The following LRRTM4 variants were observed in gnomAD, a reference collection of about 807,000 sequenced individuals.
LRRTM4 encodes leucine rich repeat transmembrane neuronal 4, also known as leucine-rich repeat transmembrane neuronal protein 4.
LRRTM4 carries 25 observed loss-of-function variants against 47.6 expected under a neutral mutation model. The observed-to-expected ratio is 0.53, with a 90% confidence interval of 0.38 to 0.73. LRRTM4 has a LOEUF of 0.73. LRRTM4 is among the 30% of genes least tolerant of loss of function. The pLI, the probability that LRRTM4 is intolerant of heterozygous loss-of-function variation, is 0.00. For missense variants in LRRTM4, 638 were observed against 713.4 expected (o/e 0.89, Z 1.20); for synonymous variants, 311 against 269.5 (o/e 1.15, Z -1.51).
intron 3 of LRRTM4, among the ~76,000 whole-genome samples, chr2:76,905,799 A>C (rs1295269382): frequency 6.6e-6 from 1 of 152,134 alleles, no homozygotes; most frequent in Non-Finnish European, 1.5e-5. Flanking sequence ...TTAGAGAAAA[A>C]AGAAAAAAAA....
chr2:76,899,296 A>G (rs945602649), intron 3 of LRRTM4, among the ~76,000 whole-genome samples: 5 of 149,424 alleles, frequency 3.3e-5, no homozygotes, highest in Admixed American at 6.8e-5. Context: ...TTGGAGGGAG[A>G]GAAAGACTAA....
chr2:76,832,878 C>T (rs953585779), intron 3 of LRRTM4, among the ~76,000 whole-genome samples: 13 of 152,030 alleles, frequency 8.6e-5, no homozygotes, highest in Non-Finnish European at 1.9e-4. Flanking sequence ...ATGAATGGAA[C>T]ATGCTGACTC....
rs13419585 is a variant in LRRTM4, at chr2:76,949,608, C to T, written c.1552-200692G>A. 9.5e-3 allele frequency among the ~76,000 whole-genome samples: 1,444 copies of T among 151,978 alleles called. 23 individuals carry two copies. The highest frequency in any genetic ancestry group is 0.034 in the African/African-American group (1,397 of 41,504). On this transcript the variant is annotated intron_variant, in intron 3 of 3. Coordinates refer to ENST00000409884, the MANE Select transcript of LRRTM4 (RefSeq NM_001134745.3). ...AAATACTAGCAGAGAAATGGTGATG[C>T]TCAGTGGCCACAGGATACAGTGGGA...
Position 77,009,630 on chromosome 2 carries a change from G to C in LRRTM4, c.1552-260714C>G, listed in dbSNP as rs1052523328. 3 of 152,072 alleles carry C rather than the reference G, an allele frequency of 2.0e-5. No individual in the cohort carries two copies. The East Asian group carries it at 5.8e-4, about 29-fold the overall frequency. The allele number at this position is 152,072 out of a possible 1,614,324, so 9.4% of individuals were successfully genotyped here. A position where few individuals can be genotyped will look rare whatever the true frequency, so the allele number is the denominator to read the frequency against. ...TAAAGCTAAGACTGTGGTAAGTCTC[G>C]CATTTTTAACATTAAACTTGAACAC... On this transcript the variant is annotated intron_variant, in intron 3 of 3. Coordinates refer to ENST00000409884, the MANE Select transcript of LRRTM4 (RefSeq NM_001134745.3).
At chr2:76,771,348 G>A (rs1442464437) in intron 3 of LRRTM4, among the ~76,000 whole-genome samples, 1 of 152,148 alleles carries the variant, frequency 6.6e-6, no homozygotes, top group Non-Finnish European at 1.5e-5. Flanking sequence ...GAATGAGATA[G>A]AAGAAAGAAA....
chr2:77,291,055 TG>T (rs566349020), intron 3 of LRRTM4, among the ~76,000 whole-genome samples: 126 of 152,176 alleles, frequency 8.3e-4, no homozygotes, highest in Admixed American at 1.7e-3. Flanking sequence ...AAGGTAAGAG[TG>T]GTGCTTTATT....
intron 3 of LRRTM4, among the ~76,000 whole-genome samples, chr2:77,514,804 C>CT (rs1170145774): frequency 1.3e-5 from 2 of 151,810 alleles, no homozygotes; most frequent in African/African-American, 2.4e-5. Context: ...GCCGCTGCTA[C>CT]TTTCAGTTGA....
chr2:77,311,942 C>T (rs151182926), intron 3 of LRRTM4, among the ~76,000 whole-genome samples: 10 of 152,206 alleles, frequency 6.6e-5, no homozygotes, highest in African/African-American at 2.2e-4. Flanking sequence ...GCTTAATGGA[C>T]GCTGGTTTTG....
Position 76,902,134 on chromosome 2 carries a change from A to G in LRRTM4, c.1552-153218T>C, listed in dbSNP as rs114129786. On this transcript the variant is annotated intron_variant, in intron 3 of 3. Coordinates refer to ENST00000409884, the MANE Select transcript of LRRTM4 (RefSeq NM_001134745.3). ...TTTATGGAAGAGAAAATAATACAATAGAAGCCCACTTAACTATATCTATTT... is the reference window on the plus strand; with the variant it reads ...TTTATGGAAGAGAAAATAATACAATGGAAGCCCACTTAACTATATCTATTT... 5.6e-3 allele frequency among the ~76,000 whole-genome samples: 852 copies of G among 152,296 alleles called. 8 individuals are homozygous for G. Among genetic ancestry groups the G allele is most frequent in the African/African-American group, 0.02 (817 of 41,562 alleles).
intron 3 of LRRTM4, among the ~76,000 whole-genome samples, chr2:77,422,526 A>G (rs923639407): frequency 6.6e-6 from 1 of 152,234 alleles, no homozygotes; most frequent in Non-Finnish European, 1.5e-5. Context: ...AATGTGACAC[A>G]TCAACCATTT....
chr2:77,083,789 T>TGTTTTG (rs1558569748), intron 3 of LRRTM4, among the ~76,000 whole-genome samples: 5 of 51,682 alleles, frequency 9.7e-5, no homozygotes, highest in African/African-American at 6.6e-4. Flanking sequence ...CACACTTTTT[T>TGTTTTG]TTTTTTTTTT....
intron 3 of LRRTM4, among the ~76,000 whole-genome samples, chr2:76,906,143 A>G (rs1462975135): frequency 1.3e-5 from 2 of 152,226 alleles, no homozygotes; most frequent in Admixed American, 1.3e-4. Flanking sequence ...CTAACAGCTG[A>G]TCTCTCAGCA....
At chr2:77,360,546 ATTC>A (rs1406491421) in intron 3 of LRRTM4, among the ~76,000 whole-genome samples, 125 of 136,836 alleles carry the variant, frequency 9.1e-4, no homozygotes, top group South Asian at 1.4e-3. Context: ...CAATACAATC[ATTC>A]ATACATACAT....
chr2:76,965,344 T>C (rs1675987899), intron 3 of LRRTM4, among the ~76,000 whole-genome samples: 1 of 151,268 alleles, frequency 6.6e-6, no homozygotes, highest in South Asian at 2.1e-4. Context: ...GTAGAAAGAA[T>C]TATACACCAT....
chr2:77,134,997 A>T (rs1291544774), intron 3 of LRRTM4, among the ~76,000 whole-genome samples: 2 of 65,570 alleles, frequency 3.1e-5, no homozygotes, highest in Admixed American at 1.6e-4. Flanking sequence ...CTTCTGAGGC[A>T]TCAGTAAAAT....
At chr2:76,854,536 C>G (rs1198931588) in intron 3 of LRRTM4, among the ~76,000 whole-genome samples, 4 of 151,916 alleles carry the variant, frequency 2.6e-5, no homozygotes, top group South Asian at 4.2e-4. Flanking sequence ...GGGCAAAAAA[C>G]AAACAAACAA....
intron 3 of LRRTM4, among the ~76,000 whole-genome samples, chr2:77,507,471 T>C (rs1434899974): frequency 6.6e-6 from 1 of 152,116 alleles, no homozygotes; most frequent in East Asian, 1.9e-4. Flanking sequence ...ATGCTGATTT[T>C]AAATCATCTC....
chr2:77,301,432 T>G (rs528714301), intron 3 of LRRTM4, among the ~76,000 whole-genome samples: 97 of 152,244 alleles, frequency 6.4e-4, no homozygotes, highest in East Asian at 3.7e-3. Context: ...GTTTTCCATT[T>G]GGATGGTGCA....
chr2:77,328,110 G>A (rs1340814869), intron 3 of LRRTM4, among the ~76,000 whole-genome samples: 3 of 152,082 alleles, frequency 2.0e-5, no homozygotes, highest in African/African-American at 7.2e-5. Context: ...CTAAACCCTA[G>A]GTGACCTCTT....
Sources: allele counts gnomAD v4.1 joint callset (sites outside exome capture counted in the v4.1 genomes callset), GRCh38; gene constraint gnomAD v4.1.1; transcripts MANE v1.5; gene names NCBI Gene and HGNC (gene_info 2026-07-23, HGNC 2026-07-21).